The following COMMD1 variants were observed in gnomAD, a reference collection of about 807,000 sequenced individuals.
COMMD1 encodes COMM domain-containing protein 1.
COMMD1 carries 10 observed loss-of-function variants against 17.2 expected under a neutral mutation model. The ratio of observed to expected loss-of-function variants is 0.58; its 90% CI spans 0.36 to 0.99. COMMD1 has a LOEUF of 0.99. Ranked by LOEUF, COMMD1 falls within the 50% of genes least tolerant of loss-of-function variation. The probability of loss-of-function intolerance (pLI) is 0.01; values close to 1 mark genes in which losing one functional copy is unlikely to be tolerated. For missense variants in COMMD1, 270 were observed against 231.8 expected, an observed-to-expected ratio of 1.17 and a Z score of -1.07; for synonymous variants, 97 against 91.6, an observed-to-expected ratio of 1.06 and a Z score of -0.34.
chr2:62,093,002 T>C (rs1240747127), intron 2 of COMMD1, among the ~76,000 whole-genome samples: 1 of 152,188 alleles, frequency 6.6e-6, no homozygotes, highest in Non-Finnish European at 1.5e-5. Context: ...GGAAATGTTG[T>C]ATTATAGGCC....
At chr2:62,084,448 G>C (rs1671605049) in intron 2 of COMMD1, among the ~76,000 whole-genome samples, 1 of 152,108 alleles carries the variant, frequency 6.6e-6, no homozygotes, top group Admixed American at 6.5e-5. Flanking sequence ...ACTAGAAGTA[G>C]ATCCTCATAA....
intron 1 of COMMD1, chr2:61,918,666 A>G (rs1670108206): frequency 6.6e-6 from 1 of 152,236 alleles, no homozygotes; most frequent in Non-Finnish European, 1.5e-5. Context: ...TACCTATTAA[A>G]TACATACTAA....
rs1319629516 is a variant in COMMD1 at position 61,895,713 on chromosome 2, C to T, written n.119+6871C>T. On this transcript the variant is annotated intron_variant and non_coding_transcript_variant, in intron 1 of 2. Coordinates refer to the COMMD1 transcript ENST00000472729. ...AAGCAGCCCAATGACTTGGTTCCAG[C>T]CCCTCTTAACTACCGTTAGGGCCAG... Among the ~76,000 whole-genome samples the T allele has an allele frequency of 2.6e-5, 4 of 152,138 alleles. No individual in the cohort carries two copies. The East Asian group carries it at 7.7e-4, about 29-fold the overall frequency.
At chr2:62,058,530 C>G (rs1268333543) in intron 2 of COMMD1, among the ~76,000 whole-genome samples, 1 of 152,016 alleles carries the variant, frequency 6.6e-6, no homozygotes, top group Non-Finnish European at 1.5e-5. Flanking sequence ...AATTGCAGCA[C>G]TGGGAGGCTG....
chr2:61,973,592 T>C (rs1671708945), intron 1 of COMMD1, among the ~76,000 whole-genome samples: 1 of 152,228 alleles, frequency 6.6e-6, no homozygotes, highest in African/African-American at 2.4e-5. Flanking sequence ...TGTTTTTCAG[T>C]TTGAAGGAGT....
rs191329327 is a variant in COMMD1 at position 62,042,519 on chromosome 2, C to T, written c.462+41537C>T. Among the ~76,000 whole-genome samples, 992 of 152,286 alleles carry T rather than the reference C, an allele frequency of 6.5e-3. 15 individuals carry two copies. Among genetic ancestry groups the T allele is most frequent in the African/African-American group, 0.023 (952 of 41,562 alleles). Reference sequence around the variant, plus strand: ...TCAAGCCCAGCAGGTGCTGGCGGGCCGTGCCGAGTGCAGGGCCCACTGAGC... The same window carrying T: ...TCAAGCCCAGCAGGTGCTGGCGGGCTGTGCCGAGTGCAGGGCCCACTGAGC... On this transcript the variant is annotated intron_variant, in intron 2 of 2. Coordinates refer to ENST00000311832, the MANE Select transcript of COMMD1 (RefSeq NM_152516.4).
intron 2 of COMMD1, among the ~76,000 whole-genome samples, chr2:62,126,833 C>G (rs1027526906): frequency 2.0e-5 from 3 of 152,130 alleles, no homozygotes; most frequent in African/African-American, 4.8e-5. Flanking sequence ...CAGGGATGAC[C>G]TCTCCCACCA....
At chr2:62,017,511 T>C (rs894747012) in intron 2 of COMMD1, among the ~76,000 whole-genome samples, 1 of 149,322 alleles carries the variant, frequency 6.7e-6, no homozygotes, top group Non-Finnish European at 1.5e-5. Flanking sequence ...CTACAAAAAA[T>C]TAAAAAAAAT....
intron 2 of COMMD1, chr2:62,119,015 C>T (rs762894605): frequency 6.6e-6 from 1 of 152,130 alleles, no homozygotes; most frequent in African/African-American, 2.4e-5. Context: ...AATTCCAACT[C>T]CCAGTACCTC....
intron 1 of COMMD1, among the ~76,000 whole-genome samples, chr2:61,996,199 A>G (rs1668750004): frequency 6.6e-6 from 1 of 152,172 alleles, no homozygotes; most frequent in African/African-American, 2.4e-5. Flanking sequence ...ATCTCCCAAA[A>G]AAAACCTAAA....
At chr2:61,975,157 A>T (rs1369208388) in intron 1 of COMMD1, among the ~76,000 whole-genome samples, 71 of 54,316 alleles carry the variant, frequency 1.3e-3, no homozygotes, top group Non-Finnish European at 1.3e-3. Flanking sequence ...TAATTATTTG[A>T]CTCTAATTTT....
chr2:61,901,627 C>G (rs961702253), upstream of COMMD1, among the ~76,000 whole-genome samples: 5 of 151,906 alleles, frequency 3.3e-5, no homozygotes, highest in Non-Finnish European at 5.9e-5. Flanking sequence ...TGTCCCCCCA[C>G]AAAAAATAAT....
intron 2 of COMMD1, among the ~76,000 whole-genome samples, chr2:62,134,051 G>A (rs375549286): frequency 2.6e-5 from 4 of 152,052 alleles, no homozygotes; most frequent in East Asian, 3.9e-4. Flanking sequence ...ATCCTCCTGC[G>A]TCAGCCTCCC....
intron 2 of COMMD1, among the ~76,000 whole-genome samples, chr2:62,098,157 T>C (rs1168385474): frequency 4.7e-5 from 7 of 148,206 alleles, no homozygotes; most frequent in Admixed American, 4.0e-4. Context: ...TCCTTTCCTT[T>C]CTTTCTTTTT....
At chr2:61,903,761 C>T (rs1572945295), upstream of COMMD1, among the ~76,000 whole-genome samples, 2 of 151,818 alleles carry the variant, frequency 1.3e-5, no homozygotes, top group East Asian at 2.0e-4. Flanking sequence ...AGGCTGGTCT[C>T]GATCTCCTGA....
chr2:61,906,290 A>G (rs1036083925), intron 1 of COMMD1, among the ~76,000 whole-genome samples: 10 of 152,240 alleles, frequency 6.6e-5, no homozygotes, highest in Non-Finnish European at 1.5e-4. Context: ...ACATCTGTCA[A>G]GCAGTCCACT....
intron 2 of COMMD1, among the ~76,000 whole-genome samples, chr2:62,047,051 C>T (rs932400625): frequency 1.3e-5 from 2 of 148,844 alleles, no homozygotes; most frequent in South Asian, 2.1e-4. Flanking sequence ...AGGAGAGTTA[C>T]GTGGTCCCTA....
chr2:61,890,743 C>A (rs1373719592), intron 1 of COMMD1, among the ~76,000 whole-genome samples: 1 of 150,632 alleles, frequency 6.6e-6, no homozygotes, highest in Non-Finnish European at 1.5e-5. Flanking sequence ...AGGAGAATCC[C>A]TTGAAGCCAG....
intron 2 of COMMD1, among the ~76,000 whole-genome samples, chr2:62,033,785 CTACATT>C (rs1669971061): frequency 6.6e-6 from 1 of 151,940 alleles, no homozygotes; most frequent in Non-Finnish European, 1.5e-5. Context: ...ACCTTGTCCT[CTACATT>C]TATGATGAAA....
Sources: allele counts gnomAD v4.1 joint callset (sites outside exome capture counted in the v4.1 genomes callset), GRCh38; gene constraint gnomAD v4.1.1; transcripts MANE v1.5; gene names NCBI Gene and HGNC (gene_info 2026-07-23, HGNC 2026-07-21).